The following CACNA1A variants were observed in gnomAD, a reference collection of about 807,000 sequenced individuals.
CACNA1A encodes voltage-dependent P/Q-type calcium channel subunit alpha-1A.
Under a neutral mutation model 262.4 loss-of-function variants are expected in CACNA1A, and 57 were observed. That is an observed-to-expected ratio of 0.22 (90% CI 0.18 to 0.27). The LOEUF (loss-of-function observed/expected upper bound fraction) is 0.27. Ranked by LOEUF, CACNA1A falls within the 10% of genes least tolerant of loss-of-function variation. The probability of loss-of-function intolerance (pLI) is 1.00; values close to 1 mark genes in which losing one functional copy is unlikely to be tolerated. For synonymous variants in CACNA1A, 1,431 were observed against 1,419.3 expected, an observed-to-expected ratio of 1.01 and a Z score of -0.18; for missense variants, 2,526 against 3,562.8, an observed-to-expected ratio of 0.71 and a Z score of 7.41.
At chr19:13,428,000 C>T (rs1002264836) in intron 3 of CACNA1A, among the ~76,000 whole-genome samples, 1 of 151,708 alleles carries the variant, frequency 6.6e-6, no homozygotes, top group African/African-American at 2.4e-5. Context: ...GGAGTGATCT[C>T]GACTCACTGC....
Position 13,259,766 on chromosome 19 carries a change from T to C in CACNA1A, c.4251-65A>G, listed in dbSNP as rs916852996. On this transcript the variant is annotated intron_variant, in intron 26 of 46. Transcript: ENST00000360228. ...GGGGCTGTCTTGCACTTGTCTTTGG[T>C]TATCAGAGACAGGGGGAGGGAAAGG... The C allele has an allele frequency of 3.8e-6, 6 of 1,568,558 alleles. No individual in the cohort carries two copies. In the African/African-American group the frequency reaches 6.7e-5, roughly 18 times the overall value.
intron 1 of CACNA1A, among the ~76,000 whole-genome samples, chr19:13,478,621 G>A (rs1978864639): frequency 6.6e-6 from 1 of 152,110 alleles, no homozygotes; most frequent in South Asian, 2.1e-4. Context: ...CTGGCCTAAA[G>A]GATTTATAAG....
At chr19:13,312,507 G>A (rs1406553758) in intron 12 of CACNA1A, 162 bp downstream of exon 12, 3 of 564,714 alleles carry the variant, frequency 5.3e-6, no homozygotes, top group Non-Finnish European at 6.1e-6. Context: ...TGGGTACACT[G>A]TATCCTTGCC....
chr19:13,446,671 G>C (rs2060821010), intron 3 of CACNA1A, among the ~76,000 whole-genome samples: 1 of 146,862 alleles, frequency 6.8e-6, no homozygotes. Flanking sequence ...TGGCCAGGCT[G>C]GTCTGGAACT....
chr19:13,370,247 C>T (rs753338447), intron 4 of CACNA1A, among the ~76,000 whole-genome samples: 6 of 151,212 alleles, frequency 4.0e-5, no homozygotes, highest in African/African-American at 1.5e-4. Flanking sequence ...ATTATAGATG[C>T]CCGCCACCAC....
intron 3 of CACNA1A, among the ~76,000 whole-genome samples, chr19:13,428,603 G>A (rs2060446250): frequency 6.6e-6 from 1 of 152,150 alleles, no homozygotes; most frequent in South Asian, 2.1e-4. Flanking sequence ...ACAACGCTGA[G>A]ACAGGTGGCA....
chr19:13,440,419 T>C (rs2060696692), intron 3 of CACNA1A, among the ~76,000 whole-genome samples: 1 of 152,212 alleles, frequency 6.6e-6, no homozygotes, highest in Non-Finnish European at 1.5e-5. Context: ...AGGTCAGATA[T>C]TGGGAACCCA....
chr19:13,475,211 T>C (rs573411136), intron 1 of CACNA1A, among the ~76,000 whole-genome samples: 1 of 152,164 alleles, frequency 6.6e-6, no homozygotes, highest in Non-Finnish European at 1.5e-5. Flanking sequence ...ATGCAGATAA[T>C]GAGGTATACA....
Position 13,506,444 on chromosome 19 carries a change from T to G in CACNA1A, c.-220A>C. On this transcript the variant is annotated 5_prime_UTR_variant, in exon 1 of 47. Coordinates refer to ENST00000360228, the MANE Select transcript of CACNA1A (RefSeq NM_001127222.2). ...GCGGCTGCCCGGGCCGAGCCGGGGATAGCAGCTCGGGACATCTTCCTGGCT... is the reference window on the plus strand; with the variant it reads ...GCGGCTGCCCGGGCCGAGCCGGGGAGAGCAGCTCGGGACATCTTCCTGGCT... 5.5e-6 allele frequency: 2 copies of G among 361,272 alleles called. No homozygotes were observed. The highest frequency in any genetic ancestry group is 2.2e-5 in the African/African-American group (1 of 44,520). 22.4% of individuals were successfully genotyped at this position (361,272 alleles called of 1,614,324 possible). A position where few individuals can be genotyped will look rare whatever the true frequency, so the allele number is the denominator to read the frequency against.
At position 13,286,950 on chromosome 19, in the gene CACNA1A, C is replaced by T. The variant is rs762343454; in HGVS notation, c.3106G>A (p.Gly1036Arg). The change falls in exon 20 of 47, where the codon GGG becomes AGG. Residue 1036 changes from glycine (G) to arginine (R), a missense_variant. By Grantham distance (125) the Gly-to-Arg change is moderately radical. Around this residue, in one of 17 missense-constraint regions of CACNA1A, gnomAD observed 765 missense variants for 748.6 expected, o/e 1.02. Transcript: ENST00000360228. ...AGGTTGGGGCCCGACACAGGGACCCCGGAGCCCTGGTTCTCTCTGAGGAAG... is the reference window on the plus strand; with the variant it reads ...AGGTTGGGGCCCGACACAGGGACCCTGGAGCCCTGGTTCTCTCTGAGGAAG... ...HRRRKENQGS[G>R]VPVSGPNLST... is the part of the protein sequence containing the mutation. 1.1e-5 allele frequency: 18 copies of T among 1,601,262 alleles called. No individual in the cohort carries two copies. The highest frequency in any genetic ancestry group is 9.0e-5 in the East Asian group (4 of 44,614).
chr19:13,246,037 A>C (rs2056225570), intron 30 of CACNA1A, among the ~76,000 whole-genome samples: 1 of 152,180 alleles, frequency 6.6e-6, no homozygotes, highest in Admixed American at 6.5e-5. Context: ...AGAGATGTAA[A>C]GCCAGGATTT....
chr19:13,261,436 A>G lies in CACNA1A; in HGVS notation c.4250+14T>C, dbSNP rs1424712414. 1.9e-6 allele frequency: 3 copies of G among 1,559,300 alleles called. No individual in the cohort carries two copies. ...CTGGTTCCAATGGGAATGTGCTGGA[A>G]AGTGGAGACCCACCGACAATCTTTC... On this transcript the variant is annotated intron_variant, in intron 26 of 46. Transcript: ENST00000360228.
At chr19:13,500,537 C>T (rs932239136) in intron 1 of CACNA1A, among the ~76,000 whole-genome samples, 2 of 152,202 alleles carry the variant, frequency 1.3e-5, no homozygotes, top group Non-Finnish European at 2.9e-5. Flanking sequence ...CGAGGCCAGA[C>T]GTGCTTTGGA....
chr19:13,461,874 G>A (rs965049060), intron 1 of CACNA1A, among the ~76,000 whole-genome samples: 5 of 152,158 alleles, frequency 3.3e-5, no homozygotes, highest in East Asian at 1.9e-4. Context: ...GCTGGCTTCC[G>A]AAATGGCTCT....
intron 24 of CACNA1A, chr19:13,272,184 A>C (rs1254451937): frequency 6.6e-6 from 1 of 152,268 alleles, no homozygotes; most frequent in Non-Finnish European, 1.5e-5. Context: ...TCTGTGCCAC[A>C]CTCAGTGGTG....
At chr19:13,384,133 G>A (rs149732973) in intron 3 of CACNA1A, among the ~76,000 whole-genome samples, 6 of 152,120 alleles carry the variant, frequency 3.9e-5, no homozygotes, top group African/African-American at 1.4e-4. Context: ...TTATTAAGTC[G>A]TATTTATTAT....
At chr19:13,208,524 G>GGGGC (rs2054664496) in intron 46 of CACNA1A, among the ~76,000 whole-genome samples, 1 of 150,676 alleles carries the variant, frequency 6.6e-6, no homozygotes, top group Admixed American at 6.6e-5. Flanking sequence ...CGGCGGGGAG[G>GGGGC]GGGCGGCGGG....
At chr19:13,351,708 C>A (rs1168600549) in intron 6 of CACNA1A, among the ~76,000 whole-genome samples, 1 of 152,094 alleles carries the variant, frequency 6.6e-6, no homozygotes, top group Non-Finnish European at 1.5e-5. Context: ...CGGGGTTTCA[C>A]CCTGTTGGCC....
chr19:13,209,276 G>C (rs1490077033), intron 45 of CACNA1A, 36 bp downstream of exon 45: 1 of 1,438,020 alleles, frequency 7.0e-7, no homozygotes, highest in South Asian at 1.5e-5. Context: ...CCTCTCCTCT[G>C]TTCTGCTTGT....
Sources: allele counts gnomAD v4.1 joint callset (sites outside exome capture counted in the v4.1 genomes callset), GRCh38; gene constraint gnomAD v4.1.1; regional missense constraint gnomAD v4.1.1; transcripts MANE v1.5; gene names NCBI Gene and HGNC (gene_info 2026-07-23, HGNC 2026-07-21).